Variants in ASIC2 observed in about 807,000 individuals in gnomAD.
ASIC2 encodes acid sensing ion channel subunit 2.
A neutral mutation model predicts 57.3 loss-of-function variants in ASIC2; 25 were observed. The observed-to-expected ratio is 0.44, with a 90% CI of 0.32 to 0.61. The LOEUF (loss-of-function observed/expected upper bound fraction) is 0.61. Among genes scored for constraint, ASIC2 ranks in the 20% least tolerant of loss-of-function variants. The probability of loss-of-function intolerance (pLI) is 0.06; values close to 1 mark genes in which losing one functional copy is unlikely to be tolerated. For synonymous variants in ASIC2, 319 were observed against 307.5 expected (o/e 1.04, Z -0.39); for missense variants, 641 against 738.1 (o/e 0.87, Z 1.52).
At chr17:34,089,182 C>G (rs1910232581) in intron 1 of ASIC2, among the ~76,000 whole-genome samples, 1 of 152,204 alleles carries the variant, frequency 6.6e-6, no homozygotes, top group Non-Finnish European at 1.5e-5. Context: ...CATCCTCCTC[C>G]TCCATTTATT....
At position 33,389,352 on chromosome 17, in the gene ASIC2, CTTA is replaced by C. The variant is rs567903557; in HGVS notation, c.556-277288_556-277286del. Among the ~76,000 whole-genome samples, 186 of 152,270 alleles carry C rather than the reference CTTA, an allele frequency of 1.2e-3. 1 individual carries two copies. Among genetic ancestry groups the C allele is most frequent in the African/African-American group, 4.3e-3 (178 of 41,546 alleles). On this transcript the variant is annotated intron_variant, in intron 1 of 9. Transcript: ENST00000359872. ...CTGCAACCAGTCACCTGAGTCTGAA[CTTA>C]ACTGCAAAGGAGGCTGAGGAATATT...
At chr17:33,026,018 C>T in intron 4 of ASIC2, 36 bp from the exon 5 acceptor site, 2 of 1,606,806 alleles carry the variant, frequency 1.2e-6, no homozygotes, top group Non-Finnish European at 1.7e-6. Context: ...GTTACTCAGG[C>T]AGGAACATTC....
chr17:33,397,038 C>A (rs570284036), intron 1 of ASIC2, among the ~76,000 whole-genome samples: 1 of 152,208 alleles, frequency 6.6e-6, no homozygotes, highest in Non-Finnish European at 1.5e-5. Flanking sequence ...GAACTTACAA[C>A]ATATTCCGAG....
intron 1 of ASIC2, among the ~76,000 whole-genome samples, chr17:34,076,169 AT>A (rs1245591937): frequency 1.3e-5 from 2 of 151,300 alleles, no homozygotes. Context: ...TGCCTGGCTA[AT>A]TTTTTCGTAT....
At chr17:34,147,470 T>TG in intron 1 of ASIC2, among the ~76,000 whole-genome samples, 1 of 152,332 alleles carries the variant, frequency 6.6e-6, no homozygotes, top group Middle Eastern at 3.4e-3. Flanking sequence ...AATGGCACTT[T>TG]GGGGAATGCT....
At chr17:33,672,859 G>A (rs953913674) in intron 1 of ASIC2, among the ~76,000 whole-genome samples, 2 of 152,180 alleles carry the variant, frequency 1.3e-5, no homozygotes, top group African/African-American at 4.8e-5. Context: ...CTGTGGACAA[G>A]TCACTCAACC....
At chr17:33,246,029 T>TAAAAA (rs35562770) in intron 1 of ASIC2, among the ~76,000 whole-genome samples, 1 of 145,288 alleles carries the variant, frequency 6.9e-6, no homozygotes. Context: ...TACCTCTACT[T>TAAAAA]AAAAAAAAAA....
At chr17:33,933,404 C>T (rs1054900546) in intron 1 of ASIC2, among the ~76,000 whole-genome samples, 1 of 152,226 alleles carries the variant, frequency 6.6e-6, no homozygotes, top group Non-Finnish European at 1.5e-5. Flanking sequence ...CTGGCACATA[C>T]TGGATACTCA....
rs563006481 is a variant in ASIC2, at chr17:33,129,723, C to T, written c.709-17656G>A. 3.3e-5 allele frequency among the ~76,000 whole-genome samples: 5 copies of T among 152,298 alleles called. No individual in the cohort carries two copies. The East Asian group carries it at 9.6e-4, about 29-fold the overall frequency. ...AGCTAGAGAATTCAGGAATGGCCAACCTGGAGACTCATTCCTTGTCTATGA... is the reference window on the plus strand; with the variant it reads ...AGCTAGAGAATTCAGGAATGGCCAATCTGGAGACTCATTCCTTGTCTATGA... On this transcript the variant is annotated intron_variant, in intron 1 of 9. Transcript: ENST00000225823.
At chr17:33,990,675 G>T (rs760031959) in intron 1 of ASIC2, among the ~76,000 whole-genome samples, 1 of 152,132 alleles carries the variant, frequency 6.6e-6, no homozygotes, top group Non-Finnish European at 1.5e-5. Context: ...TCCCTGAAAG[G>T]CTCACAGTTT....
chr17:33,553,955 GT>G (rs1050943307), intron 1 of ASIC2, among the ~76,000 whole-genome samples: 8 of 152,132 alleles, frequency 5.3e-5, no homozygotes, highest in African/African-American at 1.9e-4. Context: ...TGAGTCCTTC[GT>G]TTTTTCCCCT....
intron 3 of ASIC2, among the ~76,000 whole-genome samples, chr17:33,062,327 C>T (rs112881870): frequency 6.6e-6 from 1 of 152,146 alleles, no homozygotes; most frequent in East Asian, 1.9e-4. Flanking sequence ...CTACACACTG[C>T]TTTAAATGTG....
At chr17:33,282,221 A>T (rs1904979140) in intron 1 of ASIC2, among the ~76,000 whole-genome samples, 1 of 152,178 alleles carries the variant, frequency 6.6e-6, no homozygotes, top group South Asian at 2.1e-4. Flanking sequence ...TTCAAACAAC[A>T]TACATTTATT....
intron 1 of ASIC2, among the ~76,000 whole-genome samples, chr17:33,256,064 C>A (rs1466444429): frequency 6.6e-6 from 1 of 152,082 alleles, no homozygotes; most frequent in Non-Finnish European, 1.5e-5. Flanking sequence ...AGACTAATTA[C>A]CATGGATTTG....
chr17:33,266,700 G>A (rs1265377132), intron 1 of ASIC2, among the ~76,000 whole-genome samples: 3 of 152,108 alleles, frequency 2.0e-5, no homozygotes, highest in Admixed American at 1.3e-4. Flanking sequence ...GTGGATGATC[G>A]CTATGATTAA....
At chr17:33,245,558 A>G (rs1439696895) in intron 1 of ASIC2, among the ~76,000 whole-genome samples, 5 of 152,214 alleles carry the variant, frequency 3.3e-5, no homozygotes, top group Non-Finnish European at 5.9e-5. Context: ...TGGGTTGCAA[A>G]TTCTGTACAG....
intron 1 of ASIC2, among the ~76,000 whole-genome samples, chr17:33,452,740 T>G (rs977222455): frequency 1.3e-4 from 19 of 144,302 alleles, no homozygotes; most frequent in South Asian, 2.3e-4. Flanking sequence ...CAGAGTGGGG[T>G]GTGTGTGTGT....
intron 1 of ASIC2, among the ~76,000 whole-genome samples, chr17:33,994,051 A>T (rs1163471393): frequency 6.6e-6 from 1 of 152,104 alleles, no homozygotes; most frequent in African/African-American, 2.4e-5. Context: ...AAACTTAGAC[A>T]TGTATTAGAT....
intron 1 of ASIC2, among the ~76,000 whole-genome samples, chr17:33,668,805 G>A (rs1385808645): frequency 1.3e-5 from 2 of 152,238 alleles, no homozygotes; most frequent in African/African-American, 4.8e-5. Context: ...CTGGTATACA[G>A]TAAGTGTTCA....
Sources: allele counts gnomAD v4.1 joint callset (sites outside exome capture counted in the v4.1 genomes callset), GRCh38; gene constraint gnomAD v4.1.1; transcripts MANE v1.5; gene names NCBI Gene and HGNC (gene_info 2026-07-23, HGNC 2026-07-21).